RGS22: variants seen among roughly 807,000 people sequenced by gnomAD.
RGS22 encodes regulator of G protein signaling 22.
Under a neutral mutation model 172.9 loss-of-function variants are expected in RGS22, and 148 were observed. That is an observed-to-expected ratio of 0.86 (90% CI 0.75 to 0.98). The LOEUF (loss-of-function observed/expected upper bound fraction) is 0.98, where lower values mean the gene tolerates loss of function less well. RGS22 is among the 50% of genes least tolerant of loss of function. RGS22 has a pLI of 0.00. For synonymous variants in RGS22, 458 were observed against 480.2 expected (o/e 0.95, Z 0.60); for missense variants, 1,347 against 1,440.8 (o/e 0.93, Z 1.05).
chr8:99,982,132 G>A lies in RGS22; in HGVS notation c.3181-16C>T. 6.3e-7 allele frequency: 1 copy of A among 1,588,048 alleles called. No homozygotes were observed. The highest frequency in any genetic ancestry group is 8.6e-7 in the Non-Finnish European group (1 of 1,165,250). On this transcript the variant is annotated splice_polypyrimidine_tract_variant and intron_variant, in intron 21 of 27. Coordinates refer to ENST00000360863, the MANE Select transcript of RGS22 (RefSeq NM_015668.5). Reference sequence around the variant, plus strand: ...GGCACAAGTCCTGAACAGAAGGAAAGATAGAATGGTATATAATTAATGCAT... The same window carrying A: ...GGCACAAGTCCTGAACAGAAGGAAAAATAGAATGGTATATAATTAATGCAT...
At chr8:100,064,172 T>A (rs1364961182) in intron 7 of RGS22, 129 bp from the exon 8 acceptor site, 1 of 656,186 alleles carries the variant, frequency 1.5e-6, no homozygotes, top group Non-Finnish European at 2.3e-6. Context: ...ACCGGTGTCT[T>A]AAGAAGGATT....
In RGS22 at chr8:99,987,584, T is replaced by A; in HGVS notation, c.3054A>T (p.Lys1018Asn). 6.2e-7 allele frequency: 1 copy of A among 1,609,776 alleles called. No homozygotes were observed. Among genetic ancestry groups the A allele is most frequent in the Non-Finnish European group, 8.5e-7 (1 of 1,178,124 alleles). ...VESKWISSSC[K>N]IIAFRKALLN... Reference sequence around the variant, plus strand: ...ATAATGCTTTGCGAAAAGCAATGATTTTACAAGATGAAGAGATCCACTTAC... The same window carrying A: ...ATAATGCTTTGCGAAAAGCAATGATATTACAAGATGAAGAGATCCACTTAC... Residue 1018 changes from lysine to asparagine, a missense_variant, in exon 21 of 28, where the codon AAA (lysine) becomes AAT (asparagine). Transcript: ENST00000360863.
chr8:100,004,014 C>T lies in RGS22; in HGVS notation c.2539G>A (p.Glu847Lys), dbSNP rs1246799361. 2 of 1,612,430 alleles carry T rather than the reference C, an allele frequency of 1.2e-6. No individual in the cohort carries two copies. Among genetic ancestry groups the T allele is most frequent in the African/African-American group, 1.3e-5 (1 of 74,876 alleles). Residue 847 changes from glutamate to lysine, a missense_variant, in exon 17 of 28, where the codon GAA becomes AAA. Coordinates refer to ENST00000360863, the MANE Select transcript of RGS22 (RefSeq NM_015668.5). The stretch of plus-strand genomic sequence containing the variant: ...TCACTAAACTTAAAATGCTTGTATT[C>T]TGCAGGAACATTATCCCAATATTCT... ...RTEYWDNVPAEYKHFKFSDLL... is the reference protein window; with the variant it reads ...RTEYWDNVPAKYKHFKFSDLL...
intron 4 of RGS22, among the ~76,000 whole-genome samples, chr8:100,074,953 G>A (rs1289179947): frequency 2.6e-5 from 4 of 151,918 alleles, no homozygotes; most frequent in African/African-American, 7.3e-5. Context: ...TGTATTTTTG[G>A]TAGAGACGGA....
At chr8:100,056,608 C>A (rs975338536) in intron 9 of RGS22, among the ~76,000 whole-genome samples, 1 of 152,146 alleles carries the variant, frequency 6.6e-6, no homozygotes, top group Non-Finnish European at 1.5e-5. Flanking sequence ...GGGCAAGGCA[C>A]AGCTTGGGCC....
intron 18 of RGS22, among the ~76,000 whole-genome samples, chr8:100,000,137 T>C (rs1382252882): frequency 6.6e-6 from 1 of 152,212 alleles, no homozygotes; most frequent in Non-Finnish European, 1.5e-5. Context: ...AAGCTACTAA[T>C]AGCTTTTTCC....
At chr8:100,100,266 T>C (rs901413917) in intron 2 of RGS22, among the ~76,000 whole-genome samples, 7 of 152,042 alleles carry the variant, frequency 4.6e-5, no homozygotes, top group Non-Finnish European at 1.5e-5. Flanking sequence ...TTATCCTATA[T>C]TTTTAAAGTT....
intron 14 of RGS22, among the ~76,000 whole-genome samples, chr8:100,025,137 TGAGTG>T (rs1379273237): frequency 1.3e-5 from 2 of 152,114 alleles, no homozygotes; most frequent in Admixed American, 1.3e-4. Flanking sequence ...AGTGGGGAAA[TGAGTG>T]GGTAGCTACA....
rs754587329 is a variant in RGS22, at chr8:100,066,238, A to G, written c.653T>C (p.Val218Ala). The change falls in exon 7 of 28, where the codon GTA becomes GCA. Residue 218 changes from valine (V) to alanine (A), a missense_variant. Transcript: ENST00000360863. ...FALAKQSQQT[V>A]STFSLPCCVP... ...ACAACAGGGTAACGAAAAGGTTGAT[A>G]CTGTTTGCTGACTTTGTTTTGCTAA... 1.2e-6 allele frequency: 2 copies of G among 1,613,246 alleles called. No homozygotes were observed. Among genetic ancestry groups the G allele is most frequent in the East Asian group, 2.2e-5 (1 of 44,828 alleles).
chr8:100,051,556 TATATAA>T (rs370706310), intron 10 of RGS22, among the ~76,000 whole-genome samples: 2,902 of 42,870 alleles, frequency 0.068, 1,407 homozygotes, highest in African/African-American at 0.086. Flanking sequence ...TACATGTATT[TATATAA>T]ATATATATTT....
chr8:100,001,202 T>TTTTATATATATATATATATACA (rs1554611098), intron 18 of RGS22, among the ~76,000 whole-genome samples: 6 of 124,776 alleles, frequency 4.8e-5, no homozygotes, highest in African/African-American at 1.8e-4. Context: ...TCCCAATTTT[T>TTTTATATATATATATATATACA]TATATATATA....
At chr8:100,051,496 A>G (rs1484903441) in intron 10 of RGS22, among the ~76,000 whole-genome samples, 4 of 62,030 alleles carry the variant, frequency 6.4e-5, no homozygotes, top group African/African-American at 2.5e-4. Flanking sequence ...TATATAATAT[A>G]TAATAAATAT....
chr8:100,070,891 A>T (rs1810918229), intron 6 of RGS22, among the ~76,000 whole-genome samples: 1 of 149,332 alleles, frequency 6.7e-6, no homozygotes, highest in African/African-American at 2.5e-5. Flanking sequence ...AAGAGAGCAG[A>T]GCAAATTAGT....
At chr8:100,094,466 G>A (rs752301542) in intron 2 of RGS22, among the ~76,000 whole-genome samples, 2 of 152,118 alleles carry the variant, frequency 1.3e-5, no homozygotes. Context: ...TTTGGAAAGT[G>A]GATTTTCAGG....
At chr8:100,062,942 C>A (rs1027795909) in intron 8 of RGS22, among the ~76,000 whole-genome samples, 190 bp from the exon 9 acceptor site, 5 of 152,190 alleles carry the variant, frequency 3.3e-5, no homozygotes, top group Non-Finnish European at 5.9e-5. Context: ...CCCCATCAGA[C>A]CTCCAAGAAG....
At chr8:100,047,846 T>C (rs1243267061) in intron 10 of RGS22, among the ~76,000 whole-genome samples, 4 of 152,120 alleles carry the variant, frequency 2.6e-5, no homozygotes, top group African/African-American at 9.7e-5. Context: ...ACTTCCACCA[T>C]TGTGAAAGAA....
chr8:100,002,498 G>A (rs1465712442), intron 17 of RGS22, 134 bp from the exon 18 acceptor site: 12 of 739,342 alleles, frequency 1.6e-5, no homozygotes, highest in Middle Eastern at 3.9e-4. Flanking sequence ...TGGAAATAAC[G>A]AACCCAATAT....
chr8:99,978,254 A>G (rs1812197800), intron 22 of RGS22, among the ~76,000 whole-genome samples, 179 bp from the exon 23 acceptor site: 1 of 152,144 alleles, frequency 6.6e-6, no homozygotes. Flanking sequence ...AATGGTTTTT[A>G]TTACCAATGA....
chr8:100,056,675 A>G (rs1188905291), intron 9 of RGS22, among the ~76,000 whole-genome samples: 1 of 152,074 alleles, frequency 6.6e-6, no homozygotes, highest in East Asian at 1.9e-4. Context: ...CATGGTGTTG[A>G]GCCTGCAGGT....
Sources: gnomAD v4.1 joint callset for allele counts (sites outside exome capture counted in the v4.1 genomes callset) on GRCh38, gnomAD v4.1.1 for gene constraint, MANE v1.5 for transcripts, NCBI Gene and HGNC (gene_info 2026-07-23, HGNC 2026-07-21) for gene names.